Variants in RNF111 observed in about 807,000 individuals in gnomAD.
RNF111 encodes the protein ring finger protein 111, also known as E3 ubiquitin-protein ligase Arkadia.
RNF111 carries 17 observed loss-of-function variants against 95.1 expected under a neutral mutation model. That is an observed-to-expected ratio of 0.18 (90% confidence interval 0.12 to 0.27). The LOEUF (loss-of-function observed/expected upper bound fraction) is 0.27, where lower values mean the gene tolerates loss of function less well. Among genes scored for constraint, RNF111 ranks in the 10% least tolerant of loss-of-function variants. The probability of loss-of-function intolerance (pLI) is 1.00; values close to 1 mark genes in which losing one functional copy is unlikely to be tolerated. For missense variants in RNF111, 1,189 were observed against 1,210.4 expected (o/e 0.98, Z 0.26); for synonymous variants, 440 against 414.8 (o/e 1.06, Z -0.74).
intron 13 of RNF111, among the ~76,000 whole-genome samples, 182 bp from the exon 14 acceptor site, chr15:59,094,601 A>C (rs1469795247): frequency 1.3e-5 from 2 of 152,132 alleles, no homozygotes; most frequent in African/African-American, 4.8e-5. Flanking sequence ...TTGAAAGTTA[A>C]TTATCTTGAT....
intron 1 of RNF111, among the ~76,000 whole-genome samples, chr15:59,030,397 C>G (rs893101902): frequency 6.6e-6 from 1 of 152,084 alleles, no homozygotes; most frequent in South Asian, 2.1e-4. Context: ...AAATGTCATA[C>G]CAGGAGTAAA....
At chr15:59,000,703 C>T (rs867540495) in intron 1 of RNF111, among the ~76,000 whole-genome samples, 3 of 147,664 alleles carry the variant, frequency 2.0e-5, no homozygotes, top group Non-Finnish European at 3.0e-5. Flanking sequence ...AGCTGAACTC[C>T]GTCTCAAAAA....
At chr15:58,989,926 G>A (rs1248778740) in intron 1 of RNF111, among the ~76,000 whole-genome samples, 1 of 150,260 alleles carries the variant, frequency 6.7e-6, no homozygotes, top group East Asian at 1.9e-4. Context: ...TGCTTTACTT[G>A]AGGCATACTT....
intron 1 of RNF111, among the ~76,000 whole-genome samples, chr15:58,998,678 A>T (rs2039190634): frequency 6.6e-6 from 1 of 152,258 alleles, no homozygotes; most frequent in African/African-American, 2.4e-5. Flanking sequence ...TCACTTCAAG[A>T]AAAACAAATG....
In RNF111 at chr15:59,055,837, A is replaced by C; in HGVS notation, c.1163A>C (p.Asp388Ala). Residue 388 changes from aspartate to alanine, a missense_variant, in exon 4 of 14, where the codon GAT becomes GCT. By Grantham distance (126) the Asp-to-Ala change is moderately radical. Transcript: ENST00000348370. ...GCAGAAGTTGTGGACCTTACCGTTG[A>C]TGAAGATGGTAAATTGAAGTAGTAA... ...NAAEVVDLTV[D>A]EDEPTVVPTT... is the part of the protein sequence containing the mutation. The C allele has an allele frequency of 6.2e-7, 1 of 1,607,514 alleles. No homozygotes were observed. Among genetic ancestry groups the C allele is most frequent in the African/African-American group, 1.3e-5 (1 of 74,850 alleles).
chr15:59,003,701 G>A (rs1312523598), intron 1 of RNF111, among the ~76,000 whole-genome samples: 4 of 152,192 alleles, frequency 2.6e-5, no homozygotes, highest in East Asian at 3.8e-4. Context: ...TGCACGTGGC[G>A]TATTTTCTTA....
At chr15:59,079,309 G>C (rs531967109) in intron 7 of RNF111, among the ~76,000 whole-genome samples, 2 of 152,214 alleles carry the variant, frequency 1.3e-5, no homozygotes, top group Non-Finnish European at 2.9e-5. Flanking sequence ...ATAAAACATA[G>C]TGGATTCATT....
At chr15:59,010,750 C>G (rs1389653712) in intron 1 of RNF111, among the ~76,000 whole-genome samples, 2 of 152,032 alleles carry the variant, frequency 1.3e-5, no homozygotes, top group Non-Finnish European at 2.9e-5. Context: ...ATAGTTCTCC[C>G]TGCTTGAAGG....
intron 1 of RNF111, among the ~76,000 whole-genome samples, chr15:59,014,057 C>T (rs1231387289): frequency 6.6e-6 from 1 of 152,130 alleles, no homozygotes; most frequent in East Asian, 1.9e-4. Context: ...TCCCAACATG[C>T]TAGGATTACA....
chr15:59,077,410 G>A (rs1307088732), intron 7 of RNF111, among the ~76,000 whole-genome samples: 1 of 152,000 alleles, frequency 6.6e-6, no homozygotes, highest in East Asian at 1.9e-4. Context: ...AAGCTTCCTC[G>A]CACAGCTTAC....
chr15:59,058,952 T>A (rs2042316646), intron 5 of RNF111, among the ~76,000 whole-genome samples: 1 of 152,144 alleles, frequency 6.6e-6, no homozygotes, highest in Non-Finnish European at 1.5e-5. Flanking sequence ...TGATAAGCAC[T>A]TTAGAATCCA....
At chr15:59,065,169 G>T (rs1457580914) in intron 5 of RNF111, among the ~76,000 whole-genome samples, 5 of 152,094 alleles carry the variant, frequency 3.3e-5, no homozygotes, top group Non-Finnish European at 7.4e-5. Context: ...CTCAGAATCA[G>T]AGTAGGGGGT....
At chr15:59,073,690 T>G (rs1160333985) in intron 6 of RNF111, among the ~76,000 whole-genome samples, 5 of 152,168 alleles carry the variant, frequency 3.3e-5, no homozygotes, top group Non-Finnish European at 7.3e-5. Context: ...GGAATCCACT[T>G]CTTCCAAATT....
chr15:59,076,811 A>G (rs2078578451), intron 7 of RNF111, among the ~76,000 whole-genome samples: 1 of 152,278 alleles, frequency 6.6e-6, no homozygotes, highest in South Asian at 2.1e-4. Context: ...TTGTTAGATC[A>G]TAAGCTAATA....
At chr15:59,048,125 A>G (rs1383771194) in intron 2 of RNF111, among the ~76,000 whole-genome samples, 1 of 152,222 alleles carries the variant, frequency 6.6e-6, no homozygotes, top group Non-Finnish European at 1.5e-5. Context: ...AAGAGAAATG[A>G]AAGCACATGT....
intron 1 of RNF111, among the ~76,000 whole-genome samples, chr15:59,007,097 C>T (rs1178010130): frequency 4.6e-5 from 7 of 152,102 alleles, no homozygotes; most frequent in African/African-American, 7.2e-5. Flanking sequence ...ACTTTACATA[C>T]GGTGAAATGC....
intron 13 of RNF111, among the ~76,000 whole-genome samples, chr15:59,093,767 G>A (rs576070535): frequency 6.6e-6 from 1 of 151,772 alleles, no homozygotes; most frequent in East Asian, 1.9e-4. Flanking sequence ...TAATTTATAA[G>A]GATAACTTTG....
In RNF111 at chr15:59,044,133, C is replaced by T. The variant is rs576949095; in HGVS notation, c.881-8172C>T. Among the ~76,000 whole-genome samples the T allele has an allele frequency of 6.6e-5, 10 of 152,200 alleles. No individual in the cohort carries two copies. The Middle Eastern group carries it at 0.01, about 155-fold the overall frequency. On this transcript the variant is annotated intron_variant, in intron 2 of 13. Transcript: ENST00000348370. ...GCAACCCCCACCTCCCGGGTTCAAGCGATTCTCCTGCCTCAGCCTCATGAG... is the reference window on the plus strand; with the variant it reads ...GCAACCCCCACCTCCCGGGTTCAAGTGATTCTCCTGCCTCAGCCTCATGAG...
chr15:59,084,596 A>C (rs2078843178), intron 9 of RNF111, among the ~76,000 whole-genome samples: 1 of 152,222 alleles, frequency 6.6e-6, no homozygotes, highest in Non-Finnish European at 1.5e-5. Flanking sequence ...TATCACCTCC[A>C]ATATTGATCA....
Sources: allele counts gnomAD v4.1 joint callset (sites outside exome capture counted in the v4.1 genomes callset), GRCh38; gene constraint gnomAD v4.1.1; transcripts MANE v1.5; gene names NCBI Gene and HGNC (gene_info 2026-07-23, HGNC 2026-07-21).